RCOR1: variants seen among roughly 807,000 people sequenced by gnomAD.
RCOR1 encodes the protein REST corepressor 1.
Under a neutral mutation model 64.0 loss-of-function variants are expected in RCOR1, and 12 were observed. That is an observed-to-expected ratio of 0.19 (90% CI 0.12 to 0.30). RCOR1 has a LOEUF of 0.30. RCOR1 is among the 10% of genes least tolerant of loss of function. The pLI is 1.00. For synonymous variants in RCOR1, 279 were observed against 227.2 expected (o/e 1.23, Z -2.05); for missense variants, 502 against 621.2 (o/e 0.81, Z 2.04).
At chr14:102,641,299 TAATA>T (rs1894363051) in intron 2 of RCOR1, among the ~76,000 whole-genome samples, 1 of 151,598 alleles carries the variant, frequency 6.6e-6, no homozygotes, top group Non-Finnish European at 1.5e-5. Flanking sequence ...AGTTATTCAA[TAATA>T]AATAATATTT....
At position 102,676,243 on chromosome 14, in the gene RCOR1, G is replaced by T. The variant is rs1436218365; in HGVS notation, c.362-5652G>T. On this transcript the variant is annotated intron_variant, in intron 2 of 11. Coordinates refer to ENST00000262241, the MANE Select transcript of RCOR1 (RefSeq NM_015156.4). ...CCGCTGGGCACACCTCCCAGACGGG[G>T]TCGTGGCCGGGCAGAGGGGCTCCTC... Among the ~76,000 whole-genome samples the T allele has an allele frequency of 1.0e-4, 15 of 150,366 alleles. No homozygotes were observed. In the East Asian group the frequency reaches 2.8e-3, roughly 28 times the overall value.
chr14:102,672,780 G>C (rs1895055539), intron 2 of RCOR1, among the ~76,000 whole-genome samples: 1 of 152,182 alleles, frequency 6.6e-6, no homozygotes, highest in Admixed American at 6.5e-5. Flanking sequence ...TGTAGAAATT[G>C]GAACTCTCAT....
chr14:102,643,371 A>T (rs373892881), intron 2 of RCOR1: 3 of 943,206 alleles, frequency 3.2e-6, no homozygotes. Flanking sequence ...AAACATTGAG[A>T]TTTGGAATGT....
rs1174206078 is a variant in RCOR1, at chr14:102,641,416, A to G, written c.362-40479A>G. On this transcript the variant is annotated intron_variant, in intron 2 of 11. Transcript: ENST00000262241. ...GGAGTTCGGGACCAACCTGGGCAAC[A>G]TGGCAAAACCCCATCTCTACAAAAA... Among the ~76,000 whole-genome samples, 5 of 152,188 alleles carry G rather than the reference A, an allele frequency of 3.3e-5. No individual in the cohort carries two copies. The East Asian group carries it at 9.7e-4, about 29-fold the overall frequency.
intron 2 of RCOR1, among the ~76,000 whole-genome samples, chr14:102,607,289 T>A (rs1222879953): frequency 6.6e-6 from 1 of 152,212 alleles, no homozygotes; most frequent in African/African-American, 2.4e-5. Context: ...GTATATCAAA[T>A]GGAAATCTAG....
At chr14:102,662,481 T>G (rs1894843673) in intron 2 of RCOR1, 2 of 533,618 alleles carry the variant, frequency 3.7e-6, no homozygotes, top group Non-Finnish European at 7.4e-6. Context: ...GGCAACTTGA[T>G]GATAATATGG....
chr14:102,678,388 C>T (rs967197962), intron 2 of RCOR1, among the ~76,000 whole-genome samples: 2 of 152,140 alleles, frequency 1.3e-5, no homozygotes, highest in South Asian at 2.1e-4. Context: ...CAAGCTCCGC[C>T]TCCTGGGTTC....
chr14:102,602,394 C>CTTTTTTTTTTT (rs66743592), intron 2 of RCOR1, among the ~76,000 whole-genome samples: 5 of 104,236 alleles, frequency 4.8e-5, no homozygotes, highest in Admixed American at 1.1e-4. Flanking sequence ...CTTTTCTTTT[C>CTTTTTTTTTTT]TTTTTTTTTT....
intron 7 of RCOR1, among the ~76,000 whole-genome samples, chr14:102,711,328 A>G (rs113649642): frequency 2.6e-5 from 4 of 152,334 alleles, no homozygotes; most frequent in African/African-American, 9.6e-5. Context: ...AGTGAATTCC[A>G]GGCAGCCTTA....
chr14:102,709,579 C>A (rs559398076), intron 6 of RCOR1, among the ~76,000 whole-genome samples: 2 of 152,272 alleles, frequency 1.3e-5, no homozygotes, highest in South Asian at 4.1e-4. Context: ...GAATTCAAAC[C>A]TCTTGGCCCA....
At chr14:102,694,155 C>T (rs1336299673) in intron 3 of RCOR1, among the ~76,000 whole-genome samples, 1 of 152,194 alleles carries the variant, frequency 6.6e-6, no homozygotes, top group African/African-American at 2.4e-5. Flanking sequence ...GTGTACTCTG[C>T]CAAGATAAGC....
At chr14:102,615,933 G>A (rs182763492) in intron 2 of RCOR1, among the ~76,000 whole-genome samples, 34 of 152,316 alleles carry the variant, frequency 2.2e-4, no homozygotes, top group African/African-American at 7.9e-4. Flanking sequence ...GCAGTGGGCA[G>A]CAGCTGGGCA....
intron 2 of RCOR1, among the ~76,000 whole-genome samples, chr14:102,600,342 T>C (rs1205340484): frequency 1.3e-5 from 2 of 152,096 alleles, no homozygotes; most frequent in Non-Finnish European, 2.9e-5. Flanking sequence ...CCCAAAGTGC[T>C]GGGATTACAA....
At chr14:102,620,252 C>T (rs74721914) in intron 2 of RCOR1, among the ~76,000 whole-genome samples, 1 of 151,492 alleles carries the variant, frequency 6.6e-6, no homozygotes, top group Non-Finnish European at 1.5e-5. Context: ...CACACACACA[C>T]CCCCCCACAC....
intron 3 of RCOR1, among the ~76,000 whole-genome samples, chr14:102,685,292 A>G (rs1025241880): frequency 6.6e-6 from 1 of 152,156 alleles, no homozygotes; most frequent in Non-Finnish European, 1.5e-5. Context: ...TCATCTCAGT[A>G]TATCTACAGT....
intron 2 of RCOR1, among the ~76,000 whole-genome samples, chr14:102,632,441 G>A (rs1042678630): frequency 2.8e-4 from 42 of 151,298 alleles, no homozygotes; most frequent in African/African-American, 1.0e-3. Flanking sequence ...TCCTGACCTC[G>A]TGATCTGCCT....
At chr14:102,609,377 T>C (rs974581142) in intron 2 of RCOR1, among the ~76,000 whole-genome samples, 1 of 151,882 alleles carries the variant, frequency 6.6e-6, no homozygotes, top group Admixed American at 6.6e-5. Flanking sequence ...TTAAATTGTT[T>C]TTCACAGTAG....
At chr14:102,704,851 A>G (rs1895818719) in intron 4 of RCOR1, among the ~76,000 whole-genome samples, 1 of 152,206 alleles carries the variant, frequency 6.6e-6, no homozygotes, top group Non-Finnish European at 1.5e-5. Flanking sequence ...TCAGCCAGGC[A>G]TGGTGGTGTG....
chr14:102,594,683 C>A (rs1376014151), intron 2 of RCOR1, among the ~76,000 whole-genome samples: 1 of 144,194 alleles, frequency 6.9e-6, no homozygotes, highest in African/African-American at 2.6e-5. Flanking sequence ...TTTTGGTAGT[C>A]ACTTCTCGTT....
Sources: gnomAD v4.1 joint callset for allele counts (sites outside exome capture counted in the v4.1 genomes callset) on GRCh38, gnomAD v4.1.1 for gene constraint, MANE v1.5 for transcripts, NCBI Gene and HGNC (gene_info 2026-07-23, HGNC 2026-07-21) for gene names.